UGT1A9: variants seen among roughly 807,000 people sequenced by gnomAD.
UGT1A9 encodes the protein UDP glucuronosyltransferase family 1 member A9, also known as UDP-glucuronosyltransferase 1A9.
UGT1A9 carries 35 observed loss-of-function variants against 45.0 expected under a neutral mutation model. That is an observed-to-expected ratio of 0.78 (90% CI 0.59 to 1.03). The LOEUF is 1.03. Among genes scored for constraint, UGT1A9 ranks in the 50% least tolerant of loss-of-function variants. UGT1A9 has a pLI of 0.00. For missense variants in UGT1A9, 687 were observed against 666.6 expected (o/e 1.03, Z -0.34); for synonymous variants, 278 against 250.6 (o/e 1.11, Z -1.03).
intron 1 of UGT1A9, among the ~76,000 whole-genome samples, chr2:233,731,630 C>A (rs1226359620): frequency 6.6e-6 from 1 of 152,176 alleles, no homozygotes; most frequent in Non-Finnish European, 1.5e-5. Context: ...TTTTTTATGG[C>A]TGCATAGTAT....
chr2:233,756,464 C>T (rs1262627096), intron 1 of UGT1A9: 3 of 151,912 alleles, frequency 2.0e-5, no homozygotes, highest in African/African-American at 7.3e-5. Context: ...TTTCAATCTG[C>T]TGTTGGCTGA....
chr2:233,677,918 C>T (rs1381136522), intron 1 of UGT1A9, among the ~76,000 whole-genome samples: 2 of 152,028 alleles, frequency 1.3e-5, no homozygotes, highest in African/African-American at 2.4e-5. Flanking sequence ...TGAAATCAAC[C>T]TAGGTGCCCG....
chr2:233,689,977 C>A (rs1005809472), intron 1 of UGT1A9: 7 of 454,132 alleles, frequency 1.5e-5, no homozygotes, highest in Admixed American at 1.2e-4. Flanking sequence ...AACCCACAGG[C>A]CCCTAAAAGG....
rs772286131 is a variant in UGT1A9 at position 233,713,430 on chromosome 2, G to C, written c.855+40641G>C. 2.5e-6 allele frequency: 4 copies of C among 1,614,138 alleles called. No homozygotes were observed. The South Asian group carries it at 4.4e-5, about 18-fold the overall frequency. ...CAGGCACCTGCATGCTACTTCCTTT[G>C]ATGTGGTTCTAACAGACCCCTTTCA... On this transcript the variant is annotated intron_variant, in intron 1 of 4. Transcript: ENST00000354728.
chr2:233,672,631 GAAATTCTCC>G lies in UGT1A9; in HGVS notation c.701_709del (p.Ile234_Gln236del), dbSNP rs1679219806. 1.9e-6 allele frequency: 3 copies of G among 1,613,774 alleles called. No individual in the cohort carries two copies. The highest frequency in any genetic ancestry group is 2.5e-6 in the Non-Finnish European group (3 of 1,179,842). On this transcript the variant is annotated inframe_deletion, in exon 1 of 5. Transcript: ENST00000354728. ...CAAAAATGCCCTAGAAATAGCCTCT[GAAATTCTCC>G]AAACACCTGTTACGGAGTATGATCT...
chr2:233,769,853 G>A lies in UGT1A9; in HGVS notation c.1295+1414G>A. 2 of 388,620 alleles carry A rather than the reference G, an allele frequency of 5.1e-6. No homozygotes were observed. The highest frequency in any genetic ancestry group is 7.0e-5 in the South Asian group (1 of 14,300). The allele number at this position is 388,620 out of a possible 1,614,324, so 24.1% of individuals were successfully genotyped here. A position where few individuals can be genotyped will look rare whatever the true frequency, so the allele number is the denominator to read the frequency against. ...AACCTGGGCAACAGAGTGAGACCCT[G>A]TCTCAAAAAAAAAAAAAAAAATGAA... is the stretch of plus-strand genomic sequence containing the variant. On this transcript the variant is annotated intron_variant, in intron 4 of 4. Transcript: ENST00000354728. This position sits in a 1 kb window ranked among gnomAD's most constrained non-coding sequence, Gnocchi z 4.4.
rs1311139649 is a variant in UGT1A9, at chr2:233,745,502, A to G, written c.856-21532A>G. 2.0e-5 allele frequency among the ~76,000 whole-genome samples: 3 copies of G among 151,662 alleles called. 1 individual carries two copies. The highest frequency in any genetic ancestry group is 7.3e-5 in the African/African-American group (3 of 40,986). On this transcript the variant is annotated intron_variant, in intron 1 of 4. Coordinates refer to ENST00000354728, the MANE Select transcript of UGT1A9 (RefSeq NM_021027.3). ...ACCAAAGAACATTCTAAGATTTCCT[A>G]TAGGGTATTAGGTCTAATGGGGATG...
At chr2:233,747,955 T>C in intron 1 of UGT1A9, 1 of 1,613,464 alleles carries the variant, frequency 6.2e-7, no homozygotes, top group East Asian at 2.2e-5. Flanking sequence ...GTGGTGGATC[T>C]TCTCAGCCAT....
At chr2:233,717,276 T>C (rs760496544) in intron 1 of UGT1A9, among the ~76,000 whole-genome samples, 4 of 152,156 alleles carry the variant, frequency 2.6e-5, no homozygotes, top group Admixed American at 1.3e-4. Context: ...GTTGAGAAGC[T>C]GAGATGTTGC....
At chr2:233,693,011 T>G (rs952718997) in intron 1 of UGT1A9, 2 of 1,614,200 alleles carry the variant, frequency 1.2e-6, no homozygotes, top group Non-Finnish European at 1.7e-6. Context: ...CAGGATGGCC[T>G]GCCTCCTTCG....
At chr2:233,690,561 A>C in intron 1 of UGT1A9, 1 of 1,289,374 alleles carries the variant, frequency 7.8e-7, no homozygotes, top group Non-Finnish European at 1.0e-6. Context: ...CCCAAGCCTG[A>C]GTCATTCAGC....
intron 1 of UGT1A9, chr2:233,729,358 A>T: frequency 1.9e-6 from 3 of 1,614,176 alleles, no homozygotes; most frequent in East Asian, 4.5e-5. Context: ...TTTCACCCTG[A>T]CAACCTATGC....
At chr2:233,705,068 G>A (rs546332987) in intron 1 of UGT1A9, among the ~76,000 whole-genome samples, 15 of 151,972 alleles carry the variant, frequency 9.9e-5, no homozygotes, top group Non-Finnish European at 1.8e-4. Flanking sequence ...CCCGGGAGGC[G>A]GAGGTTGCAG....
chr2:233,757,545 T>TAC (rs1696610377), intron 1 of UGT1A9, among the ~76,000 whole-genome samples: 1 of 65,910 alleles, frequency 1.5e-5, no homozygotes, highest in African/African-American at 6.3e-5. Flanking sequence ...AATATATATA[T>TAC]ATATATATAT....
chr2:233,718,508 T>G (rs1330997916), intron 1 of UGT1A9, among the ~76,000 whole-genome samples: 1 of 152,136 alleles, frequency 6.6e-6, no homozygotes, highest in Non-Finnish European at 1.5e-5. Context: ...GGCAGTGACA[T>G]GAAATGGGTG....
chr2:233,672,425 C>A lies in UGT1A9; in HGVS notation c.491C>A (p.Pro164His). 11 of 1,613,932 alleles carry A rather than the reference C, an allele frequency of 6.8e-6. No individual in the cohort carries two copies. The highest frequency in any genetic ancestry group is 9.3e-6 in the Non-Finnish European group (11 of 1,179,892). ...GLIVAKYFSL[P>H]SVVFARGILC... ...ATTGTTGCCAAATATTTCTCCCTCC[C>A]CTCCGTGGTCTTCGCCAGGGGAATA... Residue 164 changes from proline to histidine, a missense_variant, in exon 1 of 5, where the codon CCC becomes CAC. Physicochemically the swap from Pro to His is moderately conservative, Grantham distance 77 (BLOSUM62 -2). Coordinates refer to ENST00000354728, the MANE Select transcript of UGT1A9 (RefSeq NM_021027.3).
At chr2:233,678,572 C>T (rs944278789) in intron 1 of UGT1A9, among the ~76,000 whole-genome samples, 1 of 152,180 alleles carries the variant, frequency 6.6e-6, no homozygotes, top group East Asian at 1.9e-4. Context: ...ACTAATCCTT[C>T]TTCCCCATTT....
intron 1 of UGT1A9, among the ~76,000 whole-genome samples, chr2:233,689,485 C>A (rs78706067): frequency 0.049 from 7,432 of 152,218 alleles, 277 homozygotes; most frequent in African/African-American, 0.097. Flanking sequence ...AAGAAGAAAT[C>A]GCAAATCAAT....
At chr2:233,754,951 G>A (rs769037573) in intron 1 of UGT1A9, 2 of 1,320,818 alleles carry the variant, frequency 1.5e-6, no homozygotes, top group Non-Finnish European at 2.0e-6. Context: ...AATGGGTCCC[G>A]GCCGCCAAAG....
Sources: gnomAD v4.1 joint callset for allele counts (sites outside exome capture counted in the v4.1 genomes callset) on GRCh38, gnomAD v4.1.1 for gene constraint, Gnocchi (gnomAD v3.1) non-coding constraint, MANE v1.5 for transcripts, NCBI Gene and HGNC (gene_info 2026-07-23, HGNC 2026-07-21) for gene names.